The following ADAM7 variants were observed in gnomAD, a reference collection of about 807,000 sequenced individuals.
ADAM7 encodes the protein ADAM metallopeptidase domain 7, also known as disintegrin and metalloproteinase domain-containing protein 7.
A neutral mutation model predicts 102.9 loss-of-function variants in ADAM7; 97 were observed. That is an observed-to-expected ratio of 0.94 (90% CI 0.80 to 1.12). The LOEUF (loss-of-function observed/expected upper bound fraction) is 1.12. Among genes scored for constraint, ADAM7 ranks in the 50% most tolerant of loss-of-function variants. The pLI, the probability that ADAM7 is intolerant of heterozygous loss-of-function variation, is 0.00. For missense variants in ADAM7, 991 were observed against 908.7 expected (o/e 1.09, Z -1.16); for synonymous variants, 334 against 304.4 (o/e 1.10, Z -1.01).
chr8:24,492,500 A>G lies in ADAM7; in HGVS notation c.1558A>G (p.Ile520Val). ...TATACCATTTTTTACCCCAGAGGCA[A>G]TAGAGAGTCATGATATCTGCTACAA... is the stretch of plus-strand genomic sequence containing the variant. ...QCSELFDDEAIESHDICYKMN... is the reference protein window; with the variant it reads ...QCSELFDDEAVESHDICYKMN... The change falls in exon 15 of 22, where the codon ATA becomes GTA. Residue 520 changes from isoleucine (I) to valine (V), a missense_variant. Ile to Val is a conservative substitution (Grantham distance 29, BLOSUM62 3). Transcript: ENST00000175238. The G allele has an allele frequency of 1.2e-6, 2 of 1,605,848 alleles. No homozygotes were observed.
intron 7 of ADAM7, chr8:24,476,131 T>G (rs1819761039): frequency 2.5e-6 from 1 of 404,868 alleles, no homozygotes. Flanking sequence ...TAAAGAACAC[T>G]AATCAGTTGG....
rs1585852687 is a variant in ADAM7, at chr8:24,450,113, G to C, written c.233+2851G>C. 2.0e-5 allele frequency among the ~76,000 whole-genome samples: 3 copies of C among 152,250 alleles called. No homozygotes were observed. The East Asian group carries it at 5.8e-4, about 29-fold the overall frequency. ...CCTCCAGCTTTGTTCTTTTGGCTTA[G>C]GATTGACTTGGCGATGCGGGCTCTT... On this transcript the variant is annotated intron_variant, in intron 3 of 21. Coordinates refer to ENST00000175238, the MANE Select transcript of ADAM7 (RefSeq NM_003817.4).
At position 24,508,928 on chromosome 8, in the gene ADAM7, C is replaced by G; in HGVS notation, c.*382C>G. The G allele has an allele frequency of 9.6e-7, 1 of 1,043,332 alleles. No homozygotes were observed. The highest frequency in any genetic ancestry group is 1.2e-6 in the Non-Finnish European group (1 of 868,690). 64.6% of individuals were successfully genotyped at this position (1,043,332 alleles called of 1,614,324 possible). On this transcript the variant is annotated 3_prime_UTR_variant, in exon 22 of 22. Transcript: ENST00000175238. ...AGAAAACATTGCATATAAAAAGTTACTTTTTTGGAAACATAAAAGTACGTT... is the reference window on the plus strand; with the variant it reads ...AGAAAACATTGCATATAAAAAGTTAGTTTTTTGGAAACATAAAAGTACGTT...
rs1450365276 is a variant in ADAM7, at chr8:24,509,132, AAC to A, written c.*590_*591del. 2.0e-6 allele frequency: 2 copies of A among 985,358 alleles called. No homozygotes were observed. Among genetic ancestry groups the A allele is most frequent in the African/African-American group, 3.5e-5 (2 of 57,230 alleles). 61.0% of individuals were successfully genotyped at this position (985,358 alleles called of 1,614,324 possible). A position where few individuals can be genotyped will look rare whatever the true frequency, so the allele number is the denominator to read the frequency against. On this transcript the variant is annotated 3_prime_UTR_variant, in exon 22 of 22. Coordinates refer to ENST00000175238, the MANE Select transcript of ADAM7 (RefSeq NM_003817.4). ...TAAAATAATGGTGGTGGGAAAGGAA[AAC>A]ACAGAATGCTCCTGGCAATTCTAAA...
rs1432574083 is a variant in ADAM7, at chr8:24,489,350, C to T, written c.1266+17C>T. On this transcript the variant is annotated intron_variant, in intron 12 of 21. Coordinates refer to ENST00000175238, the MANE Select transcript of ADAM7 (RefSeq NM_003817.4). Reference sequence around the variant, plus strand: ...CCTGCTCAGGTATTTGCAAATGAAGCTATCTTTAAATTGCAAAATTTATGA... The same window carrying T: ...CCTGCTCAGGTATTTGCAAATGAAGTTATCTTTAAATTGCAAAATTTATGA... The T allele has an allele frequency of 2.5e-6, 4 of 1,590,952 alleles. No homozygotes were observed. Among genetic ancestry groups the T allele is most frequent in the Non-Finnish European group, 3.4e-6 (4 of 1,169,168 alleles).
intron 3 of ADAM7, among the ~76,000 whole-genome samples, chr8:24,452,809 T>C (rs1158796157): frequency 4.6e-5 from 7 of 151,722 alleles, no homozygotes; most frequent in Non-Finnish European, 1.0e-4. Flanking sequence ...TTTCCATGTT[T>C]CGTGCTTCCT....
chr8:24,499,836 TCA>T (rs113407082), intron 17 of ADAM7, among the ~76,000 whole-genome samples: 2,704 of 140,610 alleles, frequency 0.019, 80 homozygotes, highest in African/African-American at 0.062. Flanking sequence ...ACATCACACA[TCA>T]CACACACACA....
intron 15 of ADAM7, 26 bp downstream of exon 15, chr8:24,492,623 A>G: frequency 6.4e-7 from 1 of 1,560,956 alleles, no homozygotes; most frequent in East Asian, 2.2e-5. Context: ...AAAAAAAGTA[A>G]TTTGCCTTCT....
intron 10 of ADAM7, among the ~76,000 whole-genome samples, chr8:24,486,706 G>A (rs1820156566): frequency 6.6e-6 from 1 of 152,062 alleles, no homozygotes; most frequent in Non-Finnish European, 1.5e-5. Flanking sequence ...CCCGGTAGAA[G>A]GGGCATGGAT....
chr8:24,492,873 A>C (rs1327236226), intron 15 of ADAM7, among the ~76,000 whole-genome samples, 170 bp from the exon 16 acceptor site: 2 of 152,092 alleles, frequency 1.3e-5, no homozygotes, highest in East Asian at 3.9e-4. Context: ...GACTCATCTC[A>C]GTTCCCAGGG....
rs557095777 is a variant in ADAM7, at chr8:24,471,282, A to G, written c.633+2462A>G. Among the ~76,000 whole-genome samples, 12 of 152,222 alleles carry G rather than the reference A, an allele frequency of 7.9e-5. No individual in the cohort carries two copies. In the South Asian group the frequency reaches 2.5e-3, roughly 32 times the overall value. On this transcript the variant is annotated intron_variant, in intron 7 of 21. Coordinates refer to ENST00000175238, the MANE Select transcript of ADAM7 (RefSeq NM_003817.4). ...CGCTAAGGTTAATTTATTATTCAAT[A>G]AATAAAAATATACTTGTGTAAATAT...
intron 10 of ADAM7, among the ~76,000 whole-genome samples, chr8:24,486,184 CT>C (rs569258436): frequency 7.1e-4 from 108 of 152,240 alleles, no homozygotes; most frequent in African/African-American, 2.3e-3. Flanking sequence ...ACATTTTAAA[CT>C]TTATATGAGT....
In ADAM7 at chr8:24,465,754, T is replaced by A; in HGVS notation, c.368T>A (p.Ile123Asn). 6.2e-7 allele frequency: 1 copy of A among 1,610,604 alleles called. No homozygotes were observed. The highest frequency in any genetic ancestry group is 8.5e-7 in the Non-Finnish European group (1 of 1,178,272). Residue 123 changes from isoleucine (I) to asparagine (N), a missense_variant, in exon 5 of 22, where the codon ATC (isoleucine) becomes AAC (asparagine). Physicochemically the swap from Ile to Asn is moderately radical, Grantham distance 149 (BLOSUM62 -3). Coordinates refer to ENST00000175238, the MANE Select transcript of ADAM7 (RefSeq NM_003817.4). ...CACGAATATGATTCAGCTGCCAGTA[T>A]CAGTACGTGTAATGGTCTAAGGTAA... ...IVHEYDSAAS[I>N]STCNGLRGFF...
intron 19 of ADAM7, 120 bp downstream of exon 19, chr8:24,501,015 A>G (rs1820741344): frequency 1.3e-6 from 1 of 764,002 alleles, no homozygotes; most frequent in Non-Finnish European, 2.1e-6. Flanking sequence ...AGATCAGGTA[A>G]GAATAGTAGT....
chr8:24,472,950 G>A (rs1345310798), intron 7 of ADAM7, among the ~76,000 whole-genome samples: 1 of 151,948 alleles, frequency 6.6e-6, no homozygotes, highest in Non-Finnish European at 1.5e-5. Flanking sequence ...AATATATGAA[G>A]AACTATGTGC....
chr8:24,468,034 C>T (rs572714172), intron 6 of ADAM7, among the ~76,000 whole-genome samples: 64 of 151,840 alleles, frequency 4.2e-4, no homozygotes, highest in African/African-American at 1.5e-3. Flanking sequence ...CCACTGCACT[C>T]GACTCTGGGC....
intron 8 of ADAM7, 66 bp from the exon 9 acceptor site, chr8:24,482,076 T>A: frequency 8.7e-7 from 1 of 1,154,448 alleles, no homozygotes; most frequent in Non-Finnish European, 1.2e-6. Flanking sequence ...TGTAAAGGAA[T>A]ATAGTAATAT....
intron 6 of ADAM7, among the ~76,000 whole-genome samples, 190 bp from the exon 7 acceptor site, chr8:24,468,577 G>GTTTTAATCCCATGTTTTA (rs1819505414): frequency 2.6e-5 from 4 of 151,922 alleles, no homozygotes; most frequent in Admixed American, 2.6e-4. Context: ...CGATGTATAG[G>GTTTTAATCCCATGTTTTA]ACCCCATGTT....
chr8:24,469,059 C>G (rs547878284), intron 7 of ADAM7, among the ~76,000 whole-genome samples: 1 of 152,038 alleles, frequency 6.6e-6, no homozygotes, highest in East Asian at 1.9e-4. Context: ...GAATGACATA[C>G]AAAAAGTTGA....
Sources: allele counts gnomAD v4.1 joint callset (sites outside exome capture counted in the v4.1 genomes callset), GRCh38; gene constraint gnomAD v4.1.1; transcripts MANE v1.5; gene names NCBI Gene and HGNC (gene_info 2026-07-23, HGNC 2026-07-21).